Variants in GLIPR1L2 observed in about 807,000 individuals in gnomAD.
GLIPR1L2 encodes GLIPR1-like protein 2.
In GLIPR1L2, 21 loss-of-function variants were observed where a neutral mutation model predicts 28.4. The ratio of observed to expected loss-of-function variants is 0.74; its 90% CI spans 0.52 to 1.06. GLIPR1L2 has a LOEUF of 1.06. GLIPR1L2 is among the 50% of genes least tolerant of loss of function. The probability of loss-of-function intolerance (pLI) is 0.00; values close to 1 mark genes in which losing one functional copy is unlikely to be tolerated. For missense variants in GLIPR1L2, 476 were observed against 416.9 expected (o/e 1.14, Z -1.23); for synonymous variants, 145 against 139.3 (o/e 1.04, Z -0.29).
intron 1 of GLIPR1L2, among the ~76,000 whole-genome samples, chr12:75,393,779 C>A (rs1338979331): frequency 6.6e-6 from 1 of 151,978 alleles, no homozygotes; most frequent in Admixed American, 6.5e-5. Flanking sequence ...ATTGCTGTAT[C>A]ATATGATAAT....
chr12:75,407,723 A>G (rs916467310), intron 1 of GLIPR1L2, among the ~76,000 whole-genome samples: 1 of 152,092 alleles, frequency 6.6e-6, no homozygotes, highest in African/African-American at 2.4e-5. Flanking sequence ...ATTGTGTCTG[A>G]TGAAATGTAA....
In GLIPR1L2 at chr12:75,430,870, G is replaced by A; in HGVS notation, c.744G>A (p.Val248=). 6.5e-7 allele frequency: 1 copy of A among 1,535,636 alleles called. No individual in the cohort carries two copies. The highest frequency in any genetic ancestry group is 1.4e-5 in the African/African-American group (1 of 73,156). Reference sequence around the variant, plus strand: ...AATGGGAAATGCCCCGGCCAGTTGTGTGTGATCCACTGTGCACATTCATTT... The same window carrying A: ...AATGGGAAATGCCCCGGCCAGTTGTATGTGATCCACTGTGCACATTCATTT... The part of the protein sequence containing the change: ...YPKWEMPRPV[V]CDPLCTFILL... Residue 248 remains valine (V), a synonymous_variant, in exon 6 of 6, where the codon GTG becomes GTA. Transcript: ENST00000550916.
At chr12:75,420,293 C>A (rs562139986) in intron 3 of GLIPR1L2, among the ~76,000 whole-genome samples, 1 of 152,314 alleles carries the variant, frequency 6.6e-6, no homozygotes, top group African/African-American at 2.4e-5. Flanking sequence ...AAGATGGTGG[C>A]AGATACGAGT....
chr12:75,421,012 G>A (rs541692874), intron 3 of GLIPR1L2, among the ~76,000 whole-genome samples: 2 of 152,198 alleles, frequency 1.3e-5, no homozygotes, highest in East Asian at 3.9e-4. Context: ...TGGGGTGATG[G>A]GACTATGCTC....
intron 3 of GLIPR1L2, among the ~76,000 whole-genome samples, chr12:75,421,820 C>A (rs774546739): frequency 4.6e-5 from 7 of 151,704 alleles, no homozygotes; most frequent in Non-Finnish European, 1.0e-4. Context: ...TTATATATAC[C>A]CCCAAAATAA....
intron 1 of GLIPR1L2, among the ~76,000 whole-genome samples, chr12:75,394,592 A>G (rs1170632795): frequency 6.6e-6 from 1 of 151,890 alleles, no homozygotes; most frequent in Non-Finnish European, 1.5e-5. Flanking sequence ...CTGTTAGTCT[A>G]ATATGTCTGT....
intron 1 of GLIPR1L2, among the ~76,000 whole-genome samples, chr12:75,402,698 A>C (rs1020557379): frequency 2.4e-4 from 37 of 152,148 alleles, no homozygotes; most frequent in Non-Finnish European, 5.0e-4. Context: ...GCCCAGTGTT[A>C]TTGCAAATCA....
chr12:75,426,204 T>C (rs1419441024), intron 4 of GLIPR1L2, among the ~76,000 whole-genome samples: 3 of 152,198 alleles, frequency 2.0e-5, no homozygotes, highest in Non-Finnish European at 4.4e-5. Flanking sequence ...ACTAGTAAAT[T>C]ACTGGACTTC....
At chr12:75,413,093 G>A (rs1031066462) in intron 2 of GLIPR1L2, among the ~76,000 whole-genome samples, 21 of 151,474 alleles carry the variant, frequency 1.4e-4, no homozygotes, top group Non-Finnish European at 2.5e-4. Flanking sequence ...ACTATCGCAA[G>A]GACAAAAAAC....
intron 1 of GLIPR1L2, among the ~76,000 whole-genome samples, chr12:75,397,357 T>C (rs951640085): frequency 2.0e-5 from 3 of 152,190 alleles, no homozygotes; most frequent in Admixed American, 6.5e-5. Flanking sequence ...TTATTTTATA[T>C]TTTCATAAAA....
intron 3 of GLIPR1L2, among the ~76,000 whole-genome samples, chr12:75,420,223 G>A (rs1488991593): frequency 6.6e-6 from 1 of 152,184 alleles, no homozygotes; most frequent in Non-Finnish European, 1.5e-5. Flanking sequence ...TGAAGAATCT[G>A]CCTACAAATT....
At chr12:75,426,089 T>C (rs1237125591) in intron 4 of GLIPR1L2, among the ~76,000 whole-genome samples, 1 of 152,048 alleles carries the variant, frequency 6.6e-6, no homozygotes, top group Non-Finnish European at 1.5e-5. Context: ...AAATAAGTAA[T>C]AAAACAAATT....
At chr12:75,427,027 A>T (rs956931295) in intron 4 of GLIPR1L2, among the ~76,000 whole-genome samples, 17 of 152,200 alleles carry the variant, frequency 1.1e-4, no homozygotes, top group African/African-American at 4.1e-4. Flanking sequence ...TCTGAGAGTT[A>T]TAGTCACAAA....
At chr12:75,422,612 A>AT (rs1423428366) in intron 3 of GLIPR1L2, among the ~76,000 whole-genome samples, 1 of 152,114 alleles carries the variant, frequency 6.6e-6, no homozygotes, top group Non-Finnish European at 1.5e-5. Context: ...TACATCATTC[A>AT]TTTTTAAAGG....
chr12:75,395,300 C>A (rs1186170550), intron 1 of GLIPR1L2, among the ~76,000 whole-genome samples: 1 of 151,926 alleles, frequency 6.6e-6, no homozygotes, highest in East Asian at 1.9e-4. Context: ...ATGTATAATT[C>A]TTTTAATGTG....
chr12:75,395,134 T>A (rs1234396890), intron 1 of GLIPR1L2, among the ~76,000 whole-genome samples: 1 of 152,084 alleles, frequency 6.6e-6, no homozygotes, highest in Non-Finnish European at 1.5e-5. Flanking sequence ...TTATTGGTTC[T>A]AACAGTTTTT....
intron 1 of GLIPR1L2, among the ~76,000 whole-genome samples, chr12:75,392,373 AATGGTC>A (rs1180615014): frequency 6.6e-6 from 1 of 152,218 alleles, no homozygotes; most frequent in African/African-American, 2.4e-5. Context: ...AAATTACAAA[AATGGTC>A]ATTTGTTTTA....
intron 1 of GLIPR1L2, among the ~76,000 whole-genome samples, chr12:75,406,757 CAAAAAA>C: frequency 9.1e-6 from 1 of 110,420 alleles, no homozygotes; most frequent in South Asian, 3.4e-4. Context: ...GTCCCTATCT[CAAAAAA>C]AAAAAAAAAA....
At chr12:75,429,942 T>TCTTTTC (rs201277892) in intron 4 of GLIPR1L2, among the ~76,000 whole-genome samples, 8 of 146,084 alleles carry the variant, frequency 5.5e-5, no homozygotes, top group African/African-American at 2.0e-4. Flanking sequence ...TTCTTTCTTT[T>TCTTTTC]TTTTTTTTTT....
Sources: allele counts gnomAD v4.1 joint callset (sites outside exome capture counted in the v4.1 genomes callset), GRCh38; gene constraint gnomAD v4.1.1; transcripts MANE v1.5; gene names NCBI Gene and HGNC (gene_info 2026-07-23, HGNC 2026-07-21).